Variants in TMEM19 observed in about 807,000 individuals in gnomAD.
TMEM19 encodes the protein transmembrane protein 19.
TMEM19 carries 21 observed loss-of-function variants against 33.6 expected under a neutral mutation model. The ratio of observed to expected loss-of-function variants is 0.62; its 90% CI spans 0.44 to 0.90. The LOEUF (loss-of-function observed/expected upper bound fraction) is 0.90. Ranked by LOEUF, TMEM19 falls within the 40% of genes least tolerant of loss-of-function variation. The probability of loss-of-function intolerance (pLI) is 0.00; values close to 1 mark genes in which losing one functional copy is unlikely to be tolerated. For missense variants in TMEM19, 402 were observed against 401.8 expected, an observed-to-expected ratio of 1.00 and a Z score of 0.00; for synonymous variants, 149 against 147.5, an observed-to-expected ratio of 1.01 and a Z score of -0.07.
rs1164468664 is a variant in TMEM19, at chr12:71,704,062, G to A, written c.*3067G>A. On this transcript the variant is annotated 3_prime_UTR_variant, in exon 6 of 6. Transcript: ENST00000266673. ...AAACTGCCTACCTAGCAGCATAAAG[G>A]TGTACTGTTTCTTATCATACTGTTC... is the stretch of plus-strand genomic sequence containing the variant. The A allele has an allele frequency of 2.3e-6, 1 of 441,276 alleles. No homozygotes were observed. Among genetic ancestry groups the A allele is most frequent in the African/African-American group, 2.0e-5 (1 of 49,696 alleles). 27.3% of individuals were successfully genotyped at this position (441,276 alleles called of 1,614,324 possible). A position where few individuals can be genotyped will look rare whatever the true frequency, so the allele number is the denominator to read the frequency against.
chr12:71,702,031 G>C lies in TMEM19; in HGVS notation c.*1036G>C, dbSNP rs1259644123. The C allele has an allele frequency of 6.6e-6, 1 of 152,210 alleles. No homozygotes were observed. Among genetic ancestry groups the C allele is most frequent in the Non-Finnish European group, 1.5e-5 (1 of 68,038 alleles). 9.4% of individuals were successfully genotyped at this position (152,210 alleles called of 1,614,324 possible). Reference sequence around the variant, plus strand: ...CAGGGTACAGAGTATTTTACTAAAAGTATTTTTAAATGTTTCTCATGTGAT... The same window carrying C: ...CAGGGTACAGAGTATTTTACTAAAACTATTTTTAAATGTTTCTCATGTGAT... On this transcript the variant is annotated 3_prime_UTR_variant, in exon 6 of 6. Transcript: ENST00000266673.
At chr12:71,691,097 A>G (rs898489859) in intron 2 of TMEM19, among the ~76,000 whole-genome samples, 1 of 152,192 alleles carries the variant, frequency 6.6e-6, no homozygotes, top group Admixed American at 6.5e-5. Context: ...TCCTTACCTC[A>G]TTGCCTGGAC....
rs1370112227 is a variant in TMEM19, at chr12:71,704,089, A to G, written c.*3094A>G. The G allele has an allele frequency of 1.3e-5, 5 of 391,182 alleles. No individual in the cohort carries two copies. The highest frequency in any genetic ancestry group is 2.2e-5 in the Non-Finnish European group (4 of 185,860). 24.2% of individuals were successfully genotyped at this position (391,182 alleles called of 1,614,324 possible). On this transcript the variant is annotated 3_prime_UTR_variant, in exon 6 of 6. Coordinates refer to ENST00000266673, the MANE Select transcript of TMEM19 (RefSeq NM_018279.4). ...GTACTGTTTCTTATCATACTGTTCC[A>G]TGATAGAAGAGAGCAGATATATGTG...
chr12:71,698,383 C>A (rs1359800610), intron 4 of TMEM19, among the ~76,000 whole-genome samples: 5 of 152,066 alleles, frequency 3.3e-5, no homozygotes, highest in African/African-American at 1.2e-4. Context: ...TTATTTATAT[C>A]TTATAAAGAA....
chr12:71,693,778 GT>G (rs759583882), intron 2 of TMEM19, among the ~76,000 whole-genome samples: 17 of 152,090 alleles, frequency 1.1e-4, no homozygotes, highest in Middle Eastern at 3.2e-3. Flanking sequence ...TTCCCGTGCT[GT>G]TCTCGTGATA....
chr12:71,688,159 C>T (rs967717495), intron 1 of TMEM19, among the ~76,000 whole-genome samples: 2 of 152,146 alleles, frequency 1.3e-5, no homozygotes, highest in Admixed American at 6.5e-5. Context: ...GTGTATTAGA[C>T]CTGTGGTAAT....
chr12:71,690,005 T>C (rs1881758205), intron 2 of TMEM19, among the ~76,000 whole-genome samples: 1 of 152,236 alleles, frequency 6.6e-6, no homozygotes, highest in Admixed American at 6.5e-5. Context: ...GCAGAAACAC[T>C]GGAGCACTCC....
intron 2 of TMEM19, among the ~76,000 whole-genome samples, chr12:71,692,274 C>A (rs1410290192): frequency 6.6e-6 from 1 of 152,218 alleles, no homozygotes; most frequent in Non-Finnish European, 1.5e-5. Context: ...TTCTCCCCCT[C>A]AACCTCTCTC....
chr12:71,699,275 G>C, intron 5 of TMEM19, 166 bp downstream of exon 5: 1 of 683,360 alleles, frequency 1.5e-6, no homozygotes, highest in South Asian at 1.9e-5. Context: ...TTATTCTTTT[G>C]TATTAAATTA....
In TMEM19 at chr12:71,697,167, A is replaced by AT. The variant is rs371155174; in HGVS notation, c.383-106dup. 1.0e-3 allele frequency: 1,478 copies of AT among 1,427,182 alleles called. 9 individuals carry two copies. In the African/African-American group the frequency reaches 0.018, roughly 18 times the overall value. 88.4% of individuals were successfully genotyped at this position (1,427,182 alleles called of 1,614,324 possible). On this transcript the variant is annotated intron_variant, in intron 3 of 5. Transcript: ENST00000266673. ...ACCATAACACTTTTACTGTTTTTAA[A>AT]TTTTTTTGTTGTTTTTCTTTTCTTA...
chr12:71,688,408 G>A (rs1358409101), intron 1 of TMEM19, among the ~76,000 whole-genome samples: 4 of 151,852 alleles, frequency 2.6e-5, no homozygotes, highest in Non-Finnish European at 5.9e-5. Context: ...TTTTGTATTT[G>A]TAGTAGAGAC....
rs1882014906 is a variant in TMEM19 at position 71,703,222 on chromosome 12, A to AT, written c.*2227_*2228insT. ...AAAAAAAAAAAAAAAAAAAAAAAAA[A>AT]AAAAGAATATTCTAAGCACTAGAAC... On this transcript the variant is annotated 3_prime_UTR_variant, in exon 6 of 6. Coordinates refer to ENST00000266673, the MANE Select transcript of TMEM19 (RefSeq NM_018279.4). 7.2e-6 allele frequency: 1 copy of AT among 139,762 alleles called. No individual in the cohort carries two copies. Among genetic ancestry groups the AT allele is most frequent in the African/African-American group, 3.0e-5 (1 of 33,802 alleles). 8.7% of individuals were successfully genotyped at this position (139,762 alleles called of 1,614,324 possible). A position where few individuals can be genotyped will look rare whatever the true frequency, so the allele number is the denominator to read the frequency against.
At chr12:71,697,190 T>C (rs1881888239) in intron 3 of TMEM19, 90 bp from the exon 4 acceptor site, 1 of 1,488,716 alleles carries the variant, frequency 6.7e-7, no homozygotes, top group African/African-American at 1.5e-5. Context: ...TTTTCTTTTC[T>C]TAAACTTTAA....
rs748709608 is a variant in TMEM19, at chr12:71,698,970, A to G, written c.708A>G (p.Ala236=). The change falls in exon 5 of 6, where the codon GCA becomes GCG. Residue 236 remains alanine (A), a synonymous_variant. Transcript: ENST00000266673. ...TTGGTGGTACCTTTGTGGGCATTGC[A>G]TACTTCCTCACACAGCTGATTTTTG... is the stretch of plus-strand genomic sequence containing the variant. The part of the protein sequence containing the change: ...SLLGGTFVGI[A]YFLTQLIFVN... The G allele has an allele frequency of 3.1e-6, 5 of 1,614,126 alleles. No individual in the cohort carries two copies. The highest frequency in any genetic ancestry group is 1.1e-5 in the South Asian group (1 of 91,090).
chr12:71,698,173 T>G (rs1202112947), intron 4 of TMEM19, among the ~76,000 whole-genome samples: 2 of 152,134 alleles, frequency 1.3e-5, no homozygotes, highest in Non-Finnish European at 2.9e-5. Context: ...CTCTGATGCT[T>G]CTCTTCCTCT....
At chr12:71,700,284 A>G (rs1475829227) in intron 5 of TMEM19, among the ~76,000 whole-genome samples, 1 of 152,168 alleles carries the variant, frequency 6.6e-6, no homozygotes, top group Non-Finnish European at 1.5e-5. Context: ...TAACTGGGGA[A>G]GTTTCTGATT....
chr12:71,687,014 C>T (rs1881702515), intron 1 of TMEM19, among the ~76,000 whole-genome samples: 1 of 149,738 alleles, frequency 6.7e-6, no homozygotes, highest in Non-Finnish European at 1.5e-5. Flanking sequence ...TCGAGTTATA[C>T]CTATTTCTTT....
intron 4 of TMEM19, 76 bp from the exon 5 acceptor site, chr12:71,698,824 T>A: frequency 7.8e-7 from 1 of 1,289,600 alleles, no homozygotes; most frequent in Non-Finnish European, 1.1e-6. Flanking sequence ...CTTGATTAGA[T>A]AGGTACCTTG....
At chr12:71,692,710 G>A (rs1356251827) in intron 2 of TMEM19, among the ~76,000 whole-genome samples, 1 of 151,998 alleles carries the variant, frequency 6.6e-6, no homozygotes, top group African/African-American at 2.4e-5. Context: ...TGAGCATAAA[G>A]GAAATCTGCT....
Sources: allele counts gnomAD v4.1 joint callset (sites outside exome capture counted in the v4.1 genomes callset), GRCh38; gene constraint gnomAD v4.1.1; transcripts MANE v1.5; gene names NCBI Gene and HGNC (gene_info 2026-07-23, HGNC 2026-07-21).